The following PRKG1 variants were observed in gnomAD, a reference collection of about 807,000 sequenced individuals.
The protein encoded by PRKG1 is protein kinase cGMP-dependent 1.
PRKG1 carries 35 observed loss-of-function variants against 88.1 expected under a neutral mutation model. The ratio of observed to expected loss-of-function variants is 0.40; its 90% confidence interval spans 0.30 to 0.53. The LOEUF is 0.53. Among genes scored for constraint, PRKG1 ranks in the 20% least tolerant of loss-of-function variants. The pLI, the probability that PRKG1 is intolerant of heterozygous loss-of-function variation, is 0.59. For missense variants in PRKG1, 540 were observed against 839.8 expected (o/e 0.64, Z 4.41); for synonymous variants, 303 against 292.5 (o/e 1.04, Z -0.37).
intron 3 of PRKG1, among the ~76,000 whole-genome samples, chr10:51,513,884 A>G (rs1354576693): frequency 8.2e-6 from 1 of 122,476 alleles, no homozygotes; most frequent in African/African-American, 3.3e-5. Flanking sequence ...AATGCCCACA[A>G]GAGAAAGCAG....
At chr10:51,129,169 A>G (rs967174304) in intron 1 of PRKG1, among the ~76,000 whole-genome samples, 2 of 152,204 alleles carry the variant, frequency 1.3e-5, no homozygotes, top group East Asian at 3.8e-4. Context: ...TCACAACAGG[A>G]AAACACAATA....
intron 1 of PRKG1, among the ~76,000 whole-genome samples, chr10:51,018,810 A>G (rs771961883): frequency 7.2e-5 from 11 of 152,236 alleles, no homozygotes; most frequent in Non-Finnish European, 1.2e-4. Context: ...CGATACGAGT[A>G]CAGTGGGCTA....
At chr10:51,930,610 C>T (rs1842674511) in intron 5 of PRKG1, among the ~76,000 whole-genome samples, 1 of 150,500 alleles carries the variant, frequency 6.6e-6, no homozygotes, top group Non-Finnish European at 1.5e-5. Flanking sequence ...CGTGCCTCAG[C>T]CTCCCAAGCA....
At chr10:52,290,976 G>A (rs184564149) in intron 17 of PRKG1, among the ~76,000 whole-genome samples, 391 of 140,382 alleles carry the variant, frequency 2.8e-3, no homozygotes, top group Non-Finnish European at 4.9e-3. Context: ...AGGCTGGAAT[G>A]CAGTGGCGTG....
chr10:51,727,661 T>A (rs1327085915), intron 3 of PRKG1, among the ~76,000 whole-genome samples: 1 of 152,164 alleles, frequency 6.6e-6, no homozygotes, highest in Non-Finnish European at 1.5e-5. Flanking sequence ...ACCCTATATC[T>A]TAACTCATAT....
At chr10:51,858,341 AT>A (rs58754211) in intron 4 of PRKG1, among the ~76,000 whole-genome samples, 1 of 20,512 alleles carries the variant, frequency 4.9e-5, no homozygotes, top group African/African-American at 1.4e-4. Flanking sequence ...TAATATATAT[AT>A]TATATAAAAT....
At chr10:52,121,153 C>G (rs767567002) in intron 7 of PRKG1, among the ~76,000 whole-genome samples, 2 of 152,074 alleles carry the variant, frequency 1.3e-5, no homozygotes, top group Non-Finnish European at 2.9e-5. Context: ...ACAGAGGTGT[C>G]CTGCCCTGGA....
chr10:51,541,174 G>A (rs1443258403), intron 3 of PRKG1, among the ~76,000 whole-genome samples: 1 of 152,120 alleles, frequency 6.6e-6, no homozygotes, highest in Admixed American at 6.5e-5. Context: ...CAGATCATCA[G>A]GCATTAGTTG....
intron 2 of PRKG1, among the ~76,000 whole-genome samples, chr10:51,182,155 C>T (rs887218583): frequency 1.3e-5 from 2 of 152,116 alleles, no homozygotes; most frequent in Admixed American, 6.6e-5. Context: ...GAGCTGGCTA[C>T]ACAAAAGTGC....
chr10:51,397,450 C>T (rs1440217321), intron 2 of PRKG1, among the ~76,000 whole-genome samples: 4 of 152,234 alleles, frequency 2.6e-5, no homozygotes, highest in African/African-American at 4.8e-5. Context: ...TTGGCTGCTG[C>T]GTCTCGAGGG....
intron 1 of PRKG1, among the ~76,000 whole-genome samples, chr10:51,115,735 G>A (rs1437986133): frequency 6.6e-6 from 1 of 151,562 alleles, no homozygotes. Flanking sequence ...TATTCGGGAC[G>A]CTGAGGGGGG....
rs749205610 is a variant in PRKG1, at chr10:51,601,721, A to ATTTTTTTTTTTTTTTTTTTTTTTTTTT, written c.592+133907_592+133933dup. Among the ~76,000 whole-genome samples, 6 of 43,574 alleles carry ATTTTTTTTTTTTTTTTTTTTTTTTTTT rather than the reference A, an allele frequency of 1.4e-4. 1 individual carries two copies. Among genetic ancestry groups the ATTTTTTTTTTTTTTTTTTTTTTTTTTT allele is most frequent in the Non-Finnish European group, 2.3e-4 (5 of 22,068 alleles). 28.6% of individuals were successfully genotyped at this position (43,574 alleles called of 152,430 possible). On this transcript the variant is annotated intron_variant, in intron 3 of 17. Transcript: ENST00000373980. ...TTTTAGAAATAAAGTGGCAGATTGA[A>ATTTTTTTTTTTTTTTTTTTTTTTTTTT]TTTTTTTTTTTTTTTTTTTTTTTTT... is the stretch of plus-strand genomic sequence containing the variant.
intron 4 of PRKG1, among the ~76,000 whole-genome samples, chr10:51,842,110 C>G (rs192314875): frequency 6.6e-6 from 1 of 152,198 alleles, no homozygotes. Context: ...CCCTCGCTGG[C>G]TAAGTGGGTC....
rs1842110408 is a variant in PRKG1 at position 51,907,448 on chromosome 10, T to C, written c.699-59T>C. On this transcript the variant is annotated intron_variant, in intron 4 of 17. Transcript: ENST00000373980. ...TTAATTAGATTCATGGTCATTTTTATTACTTATGAAAGTAAGTTGTGGTTC... is the reference window on the plus strand; with the variant it reads ...TTAATTAGATTCATGGTCATTTTTACTACTTATGAAAGTAAGTTGTGGTTC... 20 of 1,343,240 alleles carry C rather than the reference T, an allele frequency of 1.5e-5. No individual in the cohort carries two copies. In the South Asian group the frequency reaches 2.7e-4, roughly 18 times the overall value. The allele number at this position is 1,343,240 out of a possible 1,614,324, so 83.2% of individuals were successfully genotyped here.
chr10:52,282,390 G>T, intron 14 of PRKG1, 74 bp downstream of exon 14: 1 of 1,359,870 alleles, frequency 7.4e-7, no homozygotes, highest in Non-Finnish European at 9.9e-7. Context: ...TTTGTCACTT[G>T]GATTAGACCA....
chr10:51,762,514 A>T (rs137855833), intron 3 of PRKG1, among the ~76,000 whole-genome samples: 1 of 152,216 alleles, frequency 6.6e-6, no homozygotes, highest in African/African-American at 2.4e-5. Context: ...TAAATTCTAC[A>T]TCTAAAATAT....
At chr10:51,020,191 A>G (rs983576801) in intron 1 of PRKG1, among the ~76,000 whole-genome samples, 1 of 152,164 alleles carries the variant, frequency 6.6e-6, no homozygotes, top group East Asian at 1.9e-4. Context: ...TGATGGAGAC[A>G]GGGTTTTGCC....
chr10:51,929,832 C>G (rs1222887978), intron 5 of PRKG1, among the ~76,000 whole-genome samples: 1 of 152,018 alleles, frequency 6.6e-6, no homozygotes, highest in Admixed American at 6.6e-5. Context: ...TCTAACTGAC[C>G]TAGGGACATG....
intron 3 of PRKG1, among the ~76,000 whole-genome samples, chr10:51,579,819 C>T (rs1316758280): frequency 2.0e-5 from 3 of 152,008 alleles, no homozygotes; most frequent in Non-Finnish European, 2.9e-5. Context: ...TCCTCACAAT[C>T]ACTTTTTATG....
Sources: allele counts gnomAD v4.1 joint callset (sites outside exome capture counted in the v4.1 genomes callset), GRCh38; gene constraint gnomAD v4.1.1; transcripts MANE v1.5; gene names NCBI Gene and HGNC (gene_info 2026-07-23, HGNC 2026-07-21).